The following DNAH9 variants were observed in gnomAD, a reference collection of about 807,000 sequenced individuals.
DNAH9 encodes dynein axonemal heavy chain 9.
A neutral mutation model predicts 471.6 loss-of-function variants in DNAH9; 345 were observed. The ratio of observed to expected loss-of-function variants is 0.73; its 90% CI spans 0.67 to 0.80. The LOEUF (loss-of-function observed/expected upper bound fraction) is 0.80, where lower values mean the gene tolerates loss of function less well. Ranked by LOEUF, DNAH9 falls within the 30% of genes least tolerant of loss-of-function variation. The pLI is 0.00. For missense variants in DNAH9, 5,407 were observed against 5,609.2 expected (o/e 0.96, Z 1.15); for synonymous variants, 2,093 against 2,123.6 (o/e 0.99, Z 0.40).
chr17:11,657,637 T>G (rs1347727966), intron 14 of DNAH9, among the ~76,000 whole-genome samples: 1 of 152,060 alleles, frequency 6.6e-6, no homozygotes, highest in African/African-American at 2.4e-5. Context: ...TGCAAAGATA[T>G]CTTTTATTTT....
chr17:11,883,102 G>A lies in DNAH9; in HGVS notation c.10807-484G>A, dbSNP rs140857600. 51 of 987,976 alleles carry A rather than the reference G, an allele frequency of 5.2e-5. No individual in the cohort carries two copies. In the African/African-American group the frequency reaches 8.0e-4, roughly 16 times the overall value. 61.2% of individuals were successfully genotyped at this position (987,976 alleles called of 1,614,324 possible). A position where few individuals can be genotyped will look rare whatever the true frequency, so the allele number is the denominator to read the frequency against. ...AGCACCCCACTCCAGCCTCGAGGAA[G>A]CTTTTACACAGTCTGCCATGGTTTT... On this transcript the variant is annotated intron_variant, in intron 55 of 68. Coordinates refer to ENST00000262442, the MANE Select transcript of DNAH9 (RefSeq NM_001372.4).
chr17:11,599,291 CCT>C (rs1400667395), intron 1 of DNAH9, among the ~76,000 whole-genome samples: 2 of 152,042 alleles, frequency 1.3e-5, no homozygotes, highest in African/African-American at 2.4e-5. Flanking sequence ...TCAAAATCAG[CCT>C]CTCGTAATCC....
Position 11,881,378 on chromosome 17 carries a change from G to T in DNAH9, c.10771G>T (p.Val3591Phe), listed in dbSNP as rs766938328. The change falls in exon 55 of 69, where the codon GTC becomes TTC. Residue 3591 changes from valine (V) to phenylalanine (F), a missense_variant. By Grantham distance (50) the Val-to-Phe change is conservative. This residue lies in a region of DNAH9 where 4,636 missense variants were observed against 4,900.3 expected (regional missense o/e 0.95). Transcript: ENST00000262442. ...GGAGGACCAGTTGCTGGCCGCTGTG[G>T]TCAGCATGGAGAGGCCAGACTTGGA... ...GLEDQLLAAVVSMERPDLEQL... is the reference protein window; with the variant it reads ...GLEDQLLAAVFSMERPDLEQL... 1 of 1,613,790 alleles carries T rather than the reference G, an allele frequency of 6.2e-7. No individual in the cohort carries two copies. The highest frequency in any genetic ancestry group is 8.5e-7 in the Non-Finnish European group (1 of 1,179,998).
At chr17:11,631,717 A>G (rs9889340) in intron 7 of DNAH9, among the ~76,000 whole-genome samples, 3,665 of 152,224 alleles carry the variant, frequency 0.024, 99 homozygotes, top group South Asian at 0.098. Context: ...AAAACAAAGC[A>G]TAATCCCAGG....
chr17:11,939,807 CATGGATGG>C (rs57669174), intron 66 of DNAH9, among the ~76,000 whole-genome samples: 212 of 147,294 alleles, frequency 1.4e-3, no homozygotes, highest in Non-Finnish European at 2.5e-3. Context: ...ATGTTAGATA[CATGGATGG>C]ATGGATGGAT....
chr17:11,878,115 C>A (rs1972572667), intron 53 of DNAH9, among the ~76,000 whole-genome samples: 1 of 152,186 alleles, frequency 6.6e-6, no homozygotes, highest in Middle Eastern at 3.2e-3. Context: ...TTAAAATATT[C>A]TTTTCCAGCT....
intron 45 of DNAH9, among the ~76,000 whole-genome samples, chr17:11,820,350 A>G (rs1380931890): frequency 1.3e-5 from 2 of 151,988 alleles, no homozygotes; most frequent in Non-Finnish European, 2.9e-5. Flanking sequence ...TTTTACTTTC[A>G]CATATTGTCT....
At chr17:11,870,995 G>A (rs1972242187) in intron 51 of DNAH9, among the ~76,000 whole-genome samples, 1 of 152,148 alleles carries the variant, frequency 6.6e-6, no homozygotes, top group South Asian at 2.1e-4. Flanking sequence ...TAACGCAGAA[G>A]CAAAGCTCCG....
rs563844610 is a variant in DNAH9 at position 11,689,919 on chromosome 17, C to T, written c.4097C>T (p.Thr1366Met). ...GGCCTGGAAAGCACTGTGTGGAACACGCTGAGCTCCCTGAGGGCAGTAGCT... is the reference window on the plus strand; with the variant it reads ...GGCCTGGAAAGCACTGTGTGGAACATGCTGAGCTCCCTGAGGGCAGTAGCT... ...FTGLESTVWN[T>M]LSSLRAVAEL... Residue 1366 changes from threonine (T) to methionine (M), a missense_variant, in exon 20 of 69, where the codon ACG (threonine) becomes ATG (methionine). Coordinates refer to ENST00000262442, the MANE Select transcript of DNAH9 (RefSeq NM_001372.4). 2.5e-5 allele frequency: 41 copies of T among 1,609,372 alleles called. No individual in the cohort carries two copies. The highest frequency in any genetic ancestry group is 1.1e-4 in the East Asian group (5 of 44,648).
chr17:11,700,475 C>A (rs1424942440), intron 23 of DNAH9, among the ~76,000 whole-genome samples: 1 of 152,154 alleles, frequency 6.6e-6, no homozygotes, highest in Non-Finnish European at 1.5e-5. Flanking sequence ...TCCTTCCCAT[C>A]CATTAGCACC....
Position 11,694,004 on chromosome 17 carries a change from G to A in DNAH9, c.4745+6G>A, listed in dbSNP as rs1326361238. On this transcript the variant is annotated splice_donor_region_variant and intron_variant, in intron 21 of 68. Coordinates refer to ENST00000262442, the MANE Select transcript of DNAH9 (RefSeq NM_001372.4). ...CTGGAGGATATTCAGGGCAGGTGAG[G>A]GTCCGCCCATTACCCCTTCTCTAAT... 6.2e-7 allele frequency: 1 copy of A among 1,612,654 alleles called. No individual in the cohort carries two copies. The highest frequency in any genetic ancestry group is 1.7e-5 in the Admixed American group (1 of 59,384).
intron 43 of DNAH9, among the ~76,000 whole-genome samples, chr17:11,804,061 T>G (rs968487760): frequency 6.6e-6 from 1 of 152,226 alleles, no homozygotes; most frequent in East Asian, 1.9e-4. Flanking sequence ...CAAAAATGTA[T>G]TAGATACCTT....
At chr17:11,910,483 T>C (rs1194577824) in intron 61 of DNAH9, among the ~76,000 whole-genome samples, 1 of 152,302 alleles carries the variant, frequency 6.6e-6, no homozygotes, top group Non-Finnish European at 1.5e-5. Flanking sequence ...GGCTATTTCA[T>C]CTTTTAGCTG....
chr17:11,934,699 A>C (rs1325678809), intron 65 of DNAH9, among the ~76,000 whole-genome samples: 1 of 151,812 alleles, frequency 6.6e-6, no homozygotes, highest in Non-Finnish European at 1.5e-5. Flanking sequence ...TGATCCGCCC[A>C]CCTGGGCCTC....
intron 14 of DNAH9, among the ~76,000 whole-genome samples, chr17:11,662,360 G>A (rs1276467714): frequency 6.6e-6 from 1 of 152,036 alleles, no homozygotes; most frequent in Non-Finnish European, 1.5e-5. Flanking sequence ...GTGAAATTAT[G>A]ATATTCTTAT....
chr17:11,868,858 A>T (rs1294702489), intron 50 of DNAH9, among the ~76,000 whole-genome samples: 6 of 152,088 alleles, frequency 3.9e-5, no homozygotes, highest in African/African-American at 1.4e-4. Flanking sequence ...GTGGTGGGGT[A>T]TGAAGCTCAG....
chr17:11,802,063 A>G (rs761828192), intron 43 of DNAH9, among the ~76,000 whole-genome samples: 1 of 152,206 alleles, frequency 6.6e-6, no homozygotes, highest in Non-Finnish European at 1.5e-5. Context: ...AAATGTATTT[A>G]GTTGTATAAT....
intron 49 of DNAH9, among the ~76,000 whole-genome samples, chr17:11,850,103 T>C (rs1971363997): frequency 6.6e-6 from 1 of 152,054 alleles, no homozygotes; most frequent in Non-Finnish European, 1.5e-5. Context: ...TGACAGATGC[T>C]GTGGGGAAAA....
At chr17:11,879,905 T>A (rs1346770474) in intron 53 of DNAH9, among the ~76,000 whole-genome samples, 173 bp from the exon 54 acceptor site, 1 of 152,190 alleles carries the variant, frequency 6.6e-6, no homozygotes, top group Non-Finnish European at 1.5e-5. Context: ...GTGTATAGAA[T>A]CACATAAATA....
Sources: gnomAD v4.1 joint callset for allele counts (sites outside exome capture counted in the v4.1 genomes callset) on GRCh38, gnomAD v4.1.1 for gene constraint, gnomAD v4.1.1 regional missense constraint, MANE v1.5 for transcripts, NCBI Gene and HGNC (gene_info 2026-07-23, HGNC 2026-07-21) for gene names.